Variants in LCORL observed in about 807,000 individuals in gnomAD.
LCORL encodes the protein ligand dependent nuclear receptor corepressor like.
LCORL carries 41 observed loss-of-function variants against 141.8 expected under a neutral mutation model. The ratio of observed to expected loss-of-function variants is 0.29; its 90% CI spans 0.23 to 0.38. The LOEUF (loss-of-function observed/expected upper bound fraction) is 0.38. Among genes scored for constraint, LCORL ranks in the 10% least tolerant of loss-of-function variants. The pLI, the probability that LCORL is intolerant of heterozygous loss-of-function variation, is 1.00. For synonymous variants in LCORL, 618 were observed against 694.1 expected, an observed-to-expected ratio of 0.89 and a Z score of 1.72; for missense variants, 1,759 against 2,035.0, an observed-to-expected ratio of 0.86 and a Z score of 2.61.
Position 18,021,686 on chromosome 4 carries a change from A to AGCGGCG in LCORL, c.60_65dup (p.Ala21_Ala22dup), listed in dbSNP as rs751821670. 849 of 1,533,490 alleles carry AGCGGCG rather than the reference A, an allele frequency of 5.5e-4. 2 individuals are homozygous for AGCGGCG. The highest frequency in any genetic ancestry group is 3.4e-3 in the East Asian group (135 of 39,858). 95.0% of individuals were successfully genotyped at this position (1,533,490 alleles called of 1,614,324 possible). On this transcript the variant is annotated inframe_insertion, in exon 1 of 8. Transcript: ENST00000635767. This position sits in a 1 kb window ranked among gnomAD's most constrained non-coding sequence, Gnocchi z 5.5. ...CCGCGCACCGAGGGCTCCGGCACTG[A>AGCGGCG]GCGGCGGCGGCGGCGGCGGCAGCAG...
chr4:17,899,800 A>G (rs1049447653), intron 5 of LCORL, among the ~76,000 whole-genome samples: 5 of 152,218 alleles, frequency 3.3e-5, no homozygotes, highest in Non-Finnish European at 5.9e-5. Flanking sequence ...TTTATATCAT[A>G]TGAGTACTTA....
At chr4:17,988,857 C>T (rs977356200) in intron 1 of LCORL, among the ~76,000 whole-genome samples, 16 of 152,050 alleles carry the variant, frequency 1.1e-4, no homozygotes, top group South Asian at 2.1e-4. Context: ...TGGTGGTGTG[C>T]GCCTGTAATC....
At chr4:17,992,648 A>G (rs921640405) in intron 1 of LCORL, among the ~76,000 whole-genome samples, 2 of 152,184 alleles carry the variant, frequency 1.3e-5, no homozygotes, top group African/African-American at 4.8e-5. Context: ...TGCAATTATT[A>G]TCAGTCAAGG....
At chr4:18,000,339 T>C (rs1361624351) in intron 1 of LCORL, among the ~76,000 whole-genome samples, 4 of 151,644 alleles carry the variant, frequency 2.6e-5, no homozygotes, top group Non-Finnish European at 5.9e-5. Flanking sequence ...GGAAACAGAG[T>C]GATTATCACT....
chr4:17,907,863 C>T (rs16896008), intron 5 of LCORL, among the ~76,000 whole-genome samples: 11,234 of 152,156 alleles, frequency 0.074, 947 homozygotes, highest in African/African-American at 0.21. Context: ...CATTTCTTTC[C>T]CTATCTTATA....
intron 5 of LCORL, among the ~76,000 whole-genome samples, chr4:17,891,166 C>T (rs1188404357): frequency 6.6e-6 from 1 of 152,130 alleles, no homozygotes; most frequent in African/African-American, 2.4e-5. Context: ...CATTACATGT[C>T]TTAACTCATC....
intron 1 of LCORL, among the ~76,000 whole-genome samples, chr4:17,984,352 CTT>C (rs1467266595): frequency 3.9e-5 from 6 of 152,058 alleles, no homozygotes; most frequent in African/African-American, 7.2e-5. Context: ...GGTACCAGCT[CTT>C]GTTTGTGTAT....
chr4:17,977,504 C>T (rs991737842), intron 1 of LCORL, among the ~76,000 whole-genome samples: 4 of 152,122 alleles, frequency 2.6e-5, no homozygotes, highest in South Asian at 2.1e-4. Context: ...CATGTCTCCA[C>T]GTGGTTTTAA....
intron 1 of LCORL, among the ~76,000 whole-genome samples, chr4:17,999,311 G>A (rs1028107013): frequency 1.7e-4 from 26 of 151,958 alleles, no homozygotes; most frequent in African/African-American, 5.1e-4. Context: ...AAAATTAGCC[G>A]GGCGTGGTGG....
exon 8 of LCORL, chr4:17,844,640 G>C (rs1019264263): frequency 1.3e-5 from 2 of 151,436 alleles, no homozygotes; most frequent in African/African-American, 2.5e-5. Context: ...CTGTGCTTCA[G>C]ATTCCTTATG....
intron 5 of LCORL, among the ~76,000 whole-genome samples, chr4:17,898,240 A>T (rs908210303): frequency 5.9e-5 from 9 of 152,198 alleles, no homozygotes; most frequent in African/African-American, 2.2e-4. Flanking sequence ...AATGTATTTC[A>T]CTAAGAATGT....
At chr4:17,944,210 G>A (rs186356303) in intron 4 of LCORL, among the ~76,000 whole-genome samples, 65 of 152,102 alleles carry the variant, frequency 4.3e-4, no homozygotes, top group Non-Finnish European at 6.6e-4. Flanking sequence ...TTTTAAGTAG[G>A]CTCATTGATT....
chr4:17,895,386 AT>A, intron 5 of LCORL, among the ~76,000 whole-genome samples: 1 of 152,034 alleles, frequency 6.6e-6, no homozygotes. Context: ...TAGATTCCAC[AT>A]GAGTGACAAA....
chr4:17,842,299 C>G (rs779158915), exon 8 of LCORL: 3 of 1,609,384 alleles, frequency 1.9e-6, no homozygotes, highest in Non-Finnish European at 2.5e-6. Context: ...ATGAATTATA[C>G]TATCTTCAAG....
chr4:17,842,692 G>C (rs1274361854), exon 8 of LCORL: 1 of 266,050 alleles, frequency 3.8e-6, no homozygotes, highest in African/African-American at 2.3e-5. Context: ...ATAATATTTG[G>C]GTTCTCTACA....
intron 4 of LCORL, among the ~76,000 whole-genome samples, chr4:17,944,642 C>A (rs1407755461): frequency 6.6e-6 from 1 of 152,120 alleles, no homozygotes; most frequent in East Asian, 1.9e-4. Context: ...CCCAGCCATG[C>A]AAACAACCAC....
chr4:17,960,957 T>C (rs955572468), intron 4 of LCORL, among the ~76,000 whole-genome samples: 3 of 152,126 alleles, frequency 2.0e-5, no homozygotes, highest in Non-Finnish European at 2.9e-5. Flanking sequence ...ATAAAAGAAC[T>C]TAGAACACTT....
chr4:17,930,222 C>T (rs1735787971), intron 4 of LCORL, among the ~76,000 whole-genome samples: 1 of 152,074 alleles, frequency 6.6e-6, no homozygotes, highest in African/African-American at 2.4e-5. Flanking sequence ...TAAATATAAG[C>T]CAGAGGAAGT....
At chr4:17,893,408 ATACT>A (rs1729407072) in intron 5 of LCORL, 3 of 979,060 alleles carry the variant, frequency 3.1e-6, no homozygotes, top group East Asian at 1.1e-4. Context: ...CTGCAGAAAA[ATACT>A]TAGTAACATA....
Sources: gnomAD v4.1 joint callset for allele counts (sites outside exome capture counted in the v4.1 genomes callset) on GRCh38, gnomAD v4.1.1 for gene constraint, Gnocchi (gnomAD v3.1) non-coding constraint, MANE v1.5 for transcripts, NCBI Gene and HGNC (gene_info 2026-07-23, HGNC 2026-07-21) for gene names.